SPOCK3: variants seen among roughly 807,000 people sequenced by gnomAD.
The protein encoded by SPOCK3 is testican-3.
SPOCK3 carries 30 observed loss-of-function variants against 56.6 expected under a neutral mutation model. The observed-to-expected ratio is 0.53, with a 90% CI of 0.40 to 0.72. The LOEUF is 0.72. Among genes scored for constraint, SPOCK3 ranks in the 30% least tolerant of loss-of-function variants. SPOCK3 has a pLI of 0.00. For missense variants in SPOCK3, 527 were observed against 530.0 expected (o/e 0.99, Z 0.06); for synonymous variants, 196 against 183.3 (o/e 1.07, Z -0.56).
At chr4:166,764,816 T>A (rs200682445) in intron 7 of SPOCK3, among the ~76,000 whole-genome samples, 45,983 of 145,890 alleles carry the variant, frequency 0.32, 7,354 homozygotes, top group Admixed American at 0.4. Context: ...ACAGTGTAAA[T>A]GTGTTCCTAT....
In SPOCK3 at chr4:166,999,949, A is replaced by G. The variant is rs79103872; in HGVS notation, c.350+400T>C. On this transcript the variant is annotated intron_variant, in intron 4 of 10. Coordinates refer to ENST00000357545, the MANE Select transcript of SPOCK3 (RefSeq NM_001040159.2). ...ATTTCGTGACTTTTAATCTCTTTTT[A>G]TGAACATCAATCATTTTCTCTCCTC... 9.2e-5 allele frequency among the ~76,000 whole-genome samples: 14 copies of G among 152,268 alleles called. No homozygotes were observed. The East Asian group carries it at 2.7e-3, about 29-fold the overall frequency.
chr4:166,908,526 GCACA>G (rs377518404), intron 5 of SPOCK3, among the ~76,000 whole-genome samples: 2,300 of 135,978 alleles, frequency 0.017, 27 homozygotes, highest in African/African-American at 0.035. Context: ...TCAAAACCAT[GCACA>G]CACACACACA....
intron 2 of SPOCK3, among the ~76,000 whole-genome samples, chr4:167,189,336 G>A (rs887648533): frequency 2.7e-5 from 4 of 145,726 alleles, no homozygotes; most frequent in Non-Finnish European, 6.0e-5. Context: ...TTTAGAAATA[G>A]TTTGTCAGCT....
chr4:167,150,324 T>A (rs2150414966), intron 2 of SPOCK3, among the ~76,000 whole-genome samples: 1 of 152,228 alleles, frequency 6.6e-6, no homozygotes, highest in Non-Finnish European at 1.5e-5. Flanking sequence ...TAAAAATGAA[T>A]ACTTTAAATA....
chr4:167,037,504 A>AC (rs1288857473), intron 3 of SPOCK3, among the ~76,000 whole-genome samples: 3 of 151,796 alleles, frequency 2.0e-5, no homozygotes, highest in Non-Finnish European at 4.4e-5. Flanking sequence ...GAAAAAAAAA[A>AC]AAAAAACTAT....
intron 2 of SPOCK3, among the ~76,000 whole-genome samples, chr4:167,208,597 A>AT (rs1435778685): frequency 2.0e-5 from 3 of 151,648 alleles, no homozygotes; most frequent in African/African-American, 4.8e-5. Flanking sequence ...ACTGGTCTTT[A>AT]TTTTTTTTCA....
At chr4:166,965,718 A>C (rs1744663732) in intron 4 of SPOCK3, among the ~76,000 whole-genome samples, 1 of 152,062 alleles carries the variant, frequency 6.6e-6, no homozygotes, top group Admixed American at 6.6e-5. Context: ...ATTCATATCA[A>C]TATTGAGTAG....
intron 2 of SPOCK3, among the ~76,000 whole-genome samples, chr4:167,214,886 A>T (rs1283111680): frequency 6.6e-6 from 1 of 152,006 alleles, no homozygotes; most frequent in East Asian, 1.9e-4. Flanking sequence ...CCTACTGTTG[A>T]CATTTTCATA....
chr4:166,877,916 C>T (rs762450532), intron 6 of SPOCK3, among the ~76,000 whole-genome samples: 2 of 152,024 alleles, frequency 1.3e-5, no homozygotes, highest in Non-Finnish European at 2.9e-5. Context: ...TTAAGTAAAT[C>T]ATCTATTGCT....
chr4:167,028,080 T>G (rs930984376), intron 3 of SPOCK3, among the ~76,000 whole-genome samples: 2 of 152,090 alleles, frequency 1.3e-5, no homozygotes, highest in African/African-American at 2.4e-5. Context: ...CTGGTAATGC[T>G]CCTTGTTCTT....
chr4:167,127,260 G>C (rs907854976), intron 2 of SPOCK3, among the ~76,000 whole-genome samples: 4 of 151,800 alleles, frequency 2.6e-5, no homozygotes, highest in Non-Finnish European at 4.4e-5. Flanking sequence ...ACAAATACAG[G>C]ATACCAAAAA....
chr4:167,190,032 CTT>C (rs1193317150), intron 2 of SPOCK3, among the ~76,000 whole-genome samples: 1 of 145,814 alleles, frequency 6.9e-6, no homozygotes, highest in African/African-American at 2.6e-5. Context: ...ACGAAGGACA[CTT>C]AGATTGTTTT....
At chr4:167,137,762 C>T (rs1376522756) in intron 2 of SPOCK3, among the ~76,000 whole-genome samples, 1 of 151,718 alleles carries the variant, frequency 6.6e-6, no homozygotes, top group African/African-American at 2.4e-5. Context: ...AAAATATTTA[C>T]TAAAATACTT....
chr4:167,225,926 G>A (rs1736551528), intron 2 of SPOCK3, among the ~76,000 whole-genome samples: 1 of 152,082 alleles, frequency 6.6e-6, no homozygotes, highest in Non-Finnish European at 1.5e-5. Context: ...ACCTGGCAAG[G>A]GTGTCACTTC....
intron 6 of SPOCK3, among the ~76,000 whole-genome samples, chr4:166,881,872 A>T (rs1212493013): frequency 6.6e-6 from 1 of 152,172 alleles, no homozygotes; most frequent in South Asian, 2.1e-4. Flanking sequence ...CCTTATTTAT[A>T]TATTTGGAAA....
intron 2 of SPOCK3, among the ~76,000 whole-genome samples, chr4:167,218,344 G>A (rs1735569329): frequency 6.6e-6 from 1 of 152,236 alleles, no homozygotes; most frequent in East Asian, 1.9e-4. Flanking sequence ...GTAGCAACTA[G>A]CACCAGGGGT....
At chr4:167,067,708 C>A (rs1756295271) in intron 2 of SPOCK3, among the ~76,000 whole-genome samples, 1 of 151,680 alleles carries the variant, frequency 6.6e-6, no homozygotes, top group Non-Finnish European at 1.5e-5. Flanking sequence ...TATGGTACTG[C>A]CAACTATATT....
In SPOCK3 at chr4:166,859,090, A is replaced by G. The variant is rs377376668; in HGVS notation, c.589+30040T>C. On this transcript the variant is annotated intron_variant, in intron 6 of 10. Coordinates refer to ENST00000357545, the MANE Select transcript of SPOCK3 (RefSeq NM_001040159.2). ...CATAAATACTTACCATTGTGTTACA[A>G]TTGTCTACAGTATTCAGTGCAGTTA... Among the ~76,000 whole-genome samples the G allele has an allele frequency of 2.7e-4, 41 of 152,268 alleles. No homozygotes were observed. In the South Asian group the frequency reaches 7.9e-3, roughly 29 times the overall value.
chr4:167,044,308 A>G (rs1477302218), intron 3 of SPOCK3, among the ~76,000 whole-genome samples: 2 of 151,982 alleles, frequency 1.3e-5, no homozygotes, highest in Non-Finnish European at 2.9e-5. Flanking sequence ...CACTTCTGAT[A>G]ATAGTAATTT....
Sources: allele counts gnomAD v4.1 joint callset (sites outside exome capture counted in the v4.1 genomes callset), GRCh38; gene constraint gnomAD v4.1.1; transcripts MANE v1.5; gene names NCBI Gene and HGNC (gene_info 2026-07-23, HGNC 2026-07-21).